The following OR51B5 variants were observed in gnomAD, a reference collection of about 807,000 sequenced individuals.
The protein encoded by OR51B5 is olfactory receptor family 51 subfamily B member 5.
For synonymous variants in OR51B5, 186 were observed against 144.8 expected (o/e 1.28, Z -2.04); for missense variants, 456 against 374.6 (o/e 1.22, Z -1.79).
chr11:5,485,966 G>A (rs1851492128), intron 1 of OR51B5, among the ~76,000 whole-genome samples: 1 of 152,036 alleles, frequency 6.6e-6, no homozygotes, highest in Admixed American at 6.6e-5. Flanking sequence ...AATCCGATAT[G>A]GCTGTTGACC....
chr11:5,381,547 A>G (rs2133718751), intron 1 of OR51B5, among the ~76,000 whole-genome samples: 1 of 152,324 alleles, frequency 6.6e-6, no homozygotes, highest in Non-Finnish European at 1.5e-5. Flanking sequence ...GAACAATCTA[A>G]CATCTTTACT....
At chr11:5,444,848 C>T (rs1207422245) in intron 1 of OR51B5, among the ~76,000 whole-genome samples, 1 of 152,090 alleles carries the variant, frequency 6.6e-6, no homozygotes, top group African/African-American at 2.4e-5. Context: ...ACAATTATCC[C>T]TGATGTAATC....
chr11:5,418,524 A>G (rs1850276644), intron 1 of OR51B5, among the ~76,000 whole-genome samples: 1 of 152,254 alleles, frequency 6.6e-6, no homozygotes, highest in South Asian at 2.1e-4. Flanking sequence ...TGTGGCACAT[A>G]TACACCATGG....
At chr11:5,378,172 C>T (rs1410042625) in intron 1 of OR51B5, among the ~76,000 whole-genome samples, 1 of 151,820 alleles carries the variant, frequency 6.6e-6, no homozygotes, top group African/African-American at 2.4e-5. Context: ...CTACAACTAT[C>T]TGATCTTTGA....
At chr11:5,412,560 C>A (rs1287476137) in intron 1 of OR51B5, among the ~76,000 whole-genome samples, 2 of 152,232 alleles carry the variant, frequency 1.3e-5, no homozygotes, top group African/African-American at 4.8e-5. Flanking sequence ...TGACAGATGG[C>A]ACCTGGAAAA....
At chr11:5,460,461 A>G (rs1263489140) in intron 1 of OR51B5, among the ~76,000 whole-genome samples, 3 of 88,850 alleles carry the variant, frequency 3.4e-5, no homozygotes, top group Non-Finnish European at 6.7e-5. Context: ...TGTTCTTAAA[A>G]TGGCTGTGTC....
In OR51B5 at chr11:5,413,020, T is replaced by A. The variant is rs1159357913; in HGVS notation, n.85-66110A>T. Among the ~76,000 whole-genome samples, 60 of 113,806 alleles carry A rather than the reference T, an allele frequency of 5.3e-4. 1 individual carries two copies. The highest frequency in any genetic ancestry group is 6.8e-4 in the South Asian group (2 of 2,922). The allele number at this position is 113,806 out of a possible 152,430, so 74.7% of individuals were successfully genotyped here. A position where few individuals can be genotyped will look rare whatever the true frequency, so the allele number is the denominator to read the frequency against. Reference sequence around the variant, plus strand: ...TGGATCCCTGACCCCAGAGCAGCCTTACTGGGAGGCACCCCCCAGTAGGGC... The same window carrying A: ...TGGATCCCTGACCCCAGAGCAGCCTAACTGGGAGGCACCCCCCAGTAGGGC... On this transcript the variant is annotated intron_variant and non_coding_transcript_variant, in intron 1 of 4. Transcript: ENST00000415970.
Position 5,361,198 on chromosome 11 carries a change from T to C in OR51B5, n.85-14288A>G, listed in dbSNP as rs1272981228. On this transcript the variant is annotated intron_variant and non_coding_transcript_variant, in intron 1 of 4. Coordinates refer to the OR51B5 transcript ENST00000415970. Reference sequence around the variant, plus strand: ...AAAAGGCCATCCTCCCTACATTTTCTTTTCTACCCCTATGTGATGCTTAAA... The same window carrying C: ...AAAAGGCCATCCTCCCTACATTTTCCTTTCTACCCCTATGTGATGCTTAAA... 8.5e-5 allele frequency among the ~76,000 whole-genome samples: 13 copies of C among 152,294 alleles called. No individual in the cohort carries two copies. In the East Asian group the frequency reaches 2.1e-3, roughly 25 times the overall value.
At chr11:5,441,144 C>T (rs16930982) in intron 1 of OR51B5, 65,302 of 1,613,890 alleles carry the variant, frequency 0.04, 4,461 homozygotes, top group East Asian at 0.33. Context: ...AGCCACAAAG[C>T]GATCCAAGCT....
chr11:5,413,262 C>T (rs1212323420), intron 1 of OR51B5, among the ~76,000 whole-genome samples: 2 of 152,072 alleles, frequency 1.3e-5, no homozygotes, highest in Non-Finnish European at 2.9e-5. Context: ...ACAGAAAGGA[C>T]ATCCACACCA....
intron 1 of OR51B5, among the ~76,000 whole-genome samples, chr11:5,382,640 T>C (rs548858806): frequency 6.6e-6 from 1 of 152,214 alleles, no homozygotes; most frequent in Non-Finnish European, 1.5e-5. Context: ...CCTACAAGCC[T>C]AAATGAAGAT....
intron 1 of OR51B5, among the ~76,000 whole-genome samples, chr11:5,363,082 T>C (rs934196346): frequency 1.1e-4 from 16 of 152,016 alleles, no homozygotes; most frequent in African/African-American, 3.4e-4. Flanking sequence ...AGTAGATGTC[T>C]GAGTGGCATT....
chr11:5,422,700 G>A (rs902821136), intron 1 of OR51B5: 15 of 1,613,800 alleles, frequency 9.3e-6, no homozygotes, highest in Middle Eastern at 3.3e-4. Context: ...TTACTCAAGC[G>A]ACTGCCTTTC....
At chr11:5,389,384 C>G (rs1405289215) in intron 1 of OR51B5, 1 of 1,606,956 alleles carries the variant, frequency 6.2e-7, no homozygotes, top group Non-Finnish European at 8.5e-7. Flanking sequence ...TTATTTTCAG[C>G]TCAATCCCCG....
intron 1 of OR51B5, among the ~76,000 whole-genome samples, chr11:5,416,959 C>T (rs11037374): frequency 0.84 from 119,397 of 141,960 alleles, 50,544 homozygotes; most frequent in Non-Finnish European, 0.89. Flanking sequence ...AAAAAGAGCC[C>T]GCATCGCCAA....
At chr11:5,354,102 T>C (rs193246257) in intron 1 of OR51B5, among the ~76,000 whole-genome samples, 3 of 152,346 alleles carry the variant, frequency 2.0e-5, no homozygotes, top group Admixed American at 6.5e-5. Context: ...TAATTTTTCA[T>C]TAAAATGAAT....
At chr11:5,468,679 G>C (rs754645036) in intron 1 of OR51B5, 21 of 456,440 alleles carry the variant, frequency 4.6e-5, no homozygotes, top group South Asian at 3.1e-4. Flanking sequence ...GCACTGCATA[G>C]ATATGTGACA....
rs571314116 is a variant in OR51B5, at chr11:5,367,665, T to C, written n.85-20755A>G. Among the ~76,000 whole-genome samples the C allele has an allele frequency of 2.0e-5, 3 of 152,262 alleles. No homozygotes were observed. The South Asian group carries it at 6.2e-4, about 32-fold the overall frequency. On this transcript the variant is annotated intron_variant and non_coding_transcript_variant, in intron 1 of 4. Transcript: ENST00000415970. ...CTTGTGCCAACCTCTTATCTCATCC[T>C]GTGACTGAGAATGCCTAACTTTCTG...
At chr11:5,429,322 C>T (rs1850497822) in intron 1 of OR51B5, among the ~76,000 whole-genome samples, 1 of 152,144 alleles carries the variant, frequency 6.6e-6, no homozygotes. Flanking sequence ...TCAGTCTGTG[C>T]AGTGGGCTGG....
Sources: allele counts gnomAD v4.1 joint callset (sites outside exome capture counted in the v4.1 genomes callset), GRCh38; gene constraint gnomAD v4.1.1; transcripts MANE v1.5; gene names NCBI Gene and HGNC (gene_info 2026-07-23, HGNC 2026-07-21).